The following EIF5 variants were observed in gnomAD, a reference collection of about 807,000 sequenced individuals.
The protein encoded by EIF5 is eukaryotic translation initiation factor 5.
Under a neutral mutation model 48.3 loss-of-function variants are expected in EIF5, and 10 were observed. That is an observed-to-expected ratio of 0.21 (90% confidence interval 0.13 to 0.35). EIF5 has a LOEUF of 0.35. EIF5 is among the 10% of genes least tolerant of loss of function. The probability of loss-of-function intolerance (pLI) is 1.00; values close to 1 mark genes in which losing one functional copy is unlikely to be tolerated. For missense variants in EIF5, 397 were observed against 533.2 expected (o/e 0.74, Z 2.51); for synonymous variants, 237 against 173.1 (o/e 1.37, Z -2.90).
Position 103,341,021 on chromosome 14 carries a change from A to G in EIF5, c.1265A>G (p.Lys422Arg). The part of the protein sequence containing the change: ...PKVETVKSDN[K>R]DDDIDIDAI ...GTTGAGACTGTAAAGTCAGACAACAAGGATGACGACATCGATATTGATGCC... is the reference window on the plus strand; with the variant it reads ...GTTGAGACTGTAAAGTCAGACAACAGGGATGACGACATCGATATTGATGCC... The change falls in exon 12 of 12, where the codon AAG becomes AGG. Residue 422 changes from lysine (K) to arginine (R), a missense_variant. Transcript: ENST00000216554. 2 of 1,614,178 alleles carry G rather than the reference A, an allele frequency of 1.2e-6. No individual in the cohort carries two copies.
rs758766577 is a variant in EIF5 at position 103,336,092 on chromosome 14, A to G, written c.129A>G (p.Ala43=). The part of the protein sequence containing the change: ...KTVIVNMVDV[A]KALNRPPTYP... ...TTATAGTCAACATGGTTGACGTTGC[A>G]AAGGCGCTTAATCGGCCTCCAACGT... The change falls in exon 4 of 12, where the codon GCA becomes GCG. Residue 43 remains alanine, a synonymous_variant. Coordinates refer to ENST00000216554, the MANE Select transcript of EIF5 (RefSeq NM_001969.5). The G allele has an allele frequency of 6.2e-6, 10 of 1,614,224 alleles. No homozygotes were observed. In the Admixed American group the frequency reaches 1.7e-4, roughly 27 times the overall value.
rs1459362305 is a variant in EIF5, at chr14:103,344,726, T to A, written c.*3674T>A. Reference sequence around the variant, plus strand: ...AACTAAAAAATAAAAATCAAGTCTTTAGGAGAGTAGAAAACACAATTAACT... The same window carrying A: ...AACTAAAAAATAAAAATCAAGTCTTAAGGAGAGTAGAAAACACAATTAACT... On this transcript the variant is annotated 3_prime_UTR_variant, in exon 12 of 12. Transcript: ENST00000216554. 1.3e-5 allele frequency: 2 copies of A among 152,054 alleles called. No homozygotes were observed. Among genetic ancestry groups the A allele is most frequent in the Middle Eastern group, 3.2e-3 (1 of 316 alleles). 9.4% of individuals were successfully genotyped at this position (152,054 alleles called of 1,614,324 possible). A position where few individuals can be genotyped will look rare whatever the true frequency, so the allele number is the denominator to read the frequency against.
chr14:103,339,372 TTG>T, intron 9 of EIF5, 39 bp downstream of exon 9: 15 of 1,562,124 alleles, frequency 9.6e-6, no homozygotes, highest in South Asian at 2.4e-5. Context: ...GAGATTACAG[TTG>T]TGTGGCTTTC....
rs1294234421 is a variant in EIF5 at position 103,339,738 on chromosome 14, A to G, written c.1006A>G (p.Ile336Val). ...TCAGCTTATCTCCAAGATTCCACAT[A>G]TCTTGAAGGAGATGTACGATGCAGA... is the stretch of plus-strand genomic sequence containing the variant. The part of the protein sequence containing the change: ...QAQLISKIPH[I>V]LKEMYDADLL... Residue 336 changes from isoleucine to valine, a missense_variant, in exon 10 of 12, where the codon ATC (isoleucine) becomes GTC (valine). By Grantham distance (29) the Ile-to-Val change is conservative. Transcript: ENST00000216554. 6.8e-6 allele frequency: 11 copies of G among 1,614,094 alleles called. No homozygotes were observed. The highest frequency in any genetic ancestry group is 9.3e-6 in the Non-Finnish European group (11 of 1,180,042).
At position 103,335,692 on chromosome 14, in the gene EIF5, T is replaced by G. The variant is rs994579402; in HGVS notation, c.-169T>G. Reference sequence around the variant, plus strand: ...CATTGGTACCTGTATTGGGGAAACATAGCATACAAGCAAGAAGCTTACAGC... The same window carrying G: ...CATTGGTACCTGTATTGGGGAAACAGAGCATACAAGCAAGAAGCTTACAGC... On this transcript the variant is annotated 5_prime_UTR_variant, in exon 3 of 12. Transcript: ENST00000216554. 6.2e-6 allele frequency: 4 copies of G among 643,622 alleles called. No homozygotes were observed. The Admixed American group carries it at 1.1e-4, about 18-fold the overall frequency. The allele number at this position is 643,622 out of a possible 1,614,324, so 39.9% of individuals were successfully genotyped here.
In EIF5 at chr14:103,339,711, G is replaced by C; in HGVS notation, c.979G>C (p.Ala327Pro). 6.2e-7 allele frequency: 1 copy of C among 1,614,204 alleles called. No individual in the cohort carries two copies. Among genetic ancestry groups the C allele is most frequent in the Non-Finnish European group, 8.5e-7 (1 of 1,180,036 alleles). Residue 327 changes from alanine (A) to proline (P), a missense_variant, in exon 10 of 12, where the codon GCT (alanine) becomes CCT (proline). Around this residue, in one of 4 missense-constraint regions of EIF5, gnomAD observed 160 missense variants for 184.8 expected, o/e 0.87. Transcript: ENST00000216554. ...GLECVVAMHQAQLISKIPHIL... is the reference protein window; with the variant it reads ...GLECVVAMHQPQLISKIPHIL... Reference sequence around the variant, plus strand: ...GGAGTGTGTGGTAGCAATGCATCAAGCTCAGCTTATCTCCAAGATTCCACA... The same window carrying C: ...GGAGTGTGTGGTAGCAATGCATCAACCTCAGCTTATCTCCAAGATTCCACA...
rs1487883433 is a variant in EIF5 at position 103,334,455 on chromosome 14, T to G, written c.-351T>G. On this transcript the variant is annotated 5_prime_UTR_variant, in exon 2 of 12. Coordinates refer to ENST00000216554, the MANE Select transcript of EIF5 (RefSeq NM_001969.5). ...CGCTGGGACAGCCCCTCCCCGCTGC[T>G]CGGCGGCGGCACCTGGCCCGGCCGC... 6.6e-6 allele frequency: 1 copy of G among 152,452 alleles called. No individual in the cohort carries two copies. Among genetic ancestry groups the G allele is most frequent in the Admixed American group, 6.6e-5 (1 of 15,264 alleles). The allele number at this position is 152,452 out of a possible 1,614,324, so 9.4% of individuals were successfully genotyped here.
chr14:103,343,153 AAAT>A lies in EIF5; in HGVS notation c.*2105_*2107del, dbSNP rs1169457955. On this transcript the variant is annotated 3_prime_UTR_variant, in exon 12 of 12. Coordinates refer to ENST00000216554, the MANE Select transcript of EIF5 (RefSeq NM_001969.5). ...TTTAAACAGCTAAGTTACTTGATTA[AAAT>A]AATGATAAAATTGTATTTTGTCTTT... is the stretch of plus-strand genomic sequence containing the variant. 6.6e-6 allele frequency: 1 copy of A among 152,574 alleles called. No homozygotes were observed. Among genetic ancestry groups the A allele is most frequent in the Non-Finnish European group, 1.5e-5 (1 of 67,980 alleles). 9.5% of individuals were successfully genotyped at this position (152,574 alleles called of 1,614,324 possible). A position where few individuals can be genotyped will look rare whatever the true frequency, so the allele number is the denominator to read the frequency against.
At position 103,340,425 on chromosome 14, in the gene EIF5, A is replaced by G; in HGVS notation, c.1072-2A>G. On this transcript the variant is annotated splice_acceptor_variant, in intron 10 of 11. Coordinates refer to ENST00000216554, the MANE Select transcript of EIF5 (RefSeq NM_001969.5). LOFTEE classifies it high-confidence loss of function. The stretch of plus-strand genomic sequence containing the variant: ...TAAGAGACTTGTACTCACATTTTTT[A>G]GGCCTCTAAGAAATATGTCTCCAAA... 2 of 1,597,908 alleles carry G rather than the reference A, an allele frequency of 1.3e-6. No homozygotes were observed. The highest frequency in any genetic ancestry group is 1.1e-5 in the South Asian group (1 of 90,518).
chr14:103,342,035 A>G lies in EIF5; in HGVS notation c.*983A>G, dbSNP rs1468961277. 3.3e-5 allele frequency: 5 copies of G among 152,580 alleles called. No homozygotes were observed. Among genetic ancestry groups the G allele is most frequent in the Admixed American group, 6.5e-5 (1 of 15,270 alleles). The allele number at this position is 152,580 out of a possible 1,614,324, so 9.5% of individuals were successfully genotyped here. A position where few individuals can be genotyped will look rare whatever the true frequency, so the allele number is the denominator to read the frequency against. ...TTTCCCCTCTTGCAGTTTGTTCTGT[A>G]ATGCCTTTTACATTTGGACACATAG... is the stretch of plus-strand genomic sequence containing the variant. On this transcript the variant is annotated 3_prime_UTR_variant, in exon 12 of 12. Coordinates refer to ENST00000216554, the MANE Select transcript of EIF5 (RefSeq NM_001969.5).
chr14:103,338,566 A>G (rs920913913), intron 7 of EIF5, 94 bp downstream of exon 7: 3 of 1,499,844 alleles, frequency 2.0e-6, no homozygotes, highest in African/African-American at 2.8e-5. Context: ...ACTAGCCTTC[A>G]GTGTGTAATA....
At position 103,344,132 on chromosome 14, in the gene EIF5, C is replaced by T. The variant is rs1462068791; in HGVS notation, c.*3080C>T. Reference sequence around the variant, plus strand: ...CAGATCTTGATTCATAGTGACATTCCATAAGTGGGGTGACAGCAAATGACT... The same window carrying T: ...CAGATCTTGATTCATAGTGACATTCTATAAGTGGGGTGACAGCAAATGACT... On this transcript the variant is annotated 3_prime_UTR_variant, in exon 12 of 12. Coordinates refer to ENST00000216554, the MANE Select transcript of EIF5 (RefSeq NM_001969.5). The T allele has an allele frequency of 6.6e-6, 1 of 152,338 alleles. No individual in the cohort carries two copies. The highest frequency in any genetic ancestry group is 2.4e-5 in the African/African-American group (1 of 41,558). 9.4% of individuals were successfully genotyped at this position (152,338 alleles called of 1,614,324 possible).
chr14:103,339,514 T>G (rs2089328125), intron 9 of EIF5, 125 bp from the exon 10 acceptor site: 1 of 1,457,616 alleles, frequency 6.9e-7, no homozygotes, highest in Non-Finnish European at 9.4e-7. Flanking sequence ...GGGATGTTTA[T>G]GCATTGACCT....
rs147746481 is a variant in EIF5 at position 103,340,174 on chromosome 14, T to G, written c.1072-253T>G. Reference sequence around the variant, plus strand: ...CCGTTCACAAGTATTGAGACGGCTTTGAGATGAAGAAAAAATGTCTTAATA... The same window carrying G: ...CCGTTCACAAGTATTGAGACGGCTTGGAGATGAAGAAAAAATGTCTTAATA... On this transcript the variant is annotated intron_variant, in intron 10 of 11. Transcript: ENST00000216554. Among the ~76,000 whole-genome samples the G allele has an allele frequency of 3.1e-4, 47 of 152,254 alleles. No individual in the cohort carries two copies. In the East Asian group the frequency reaches 8.9e-3, roughly 29 times the overall value.
intron 4 of EIF5, chr14:103,336,427 A>C: frequency 1.8e-6 from 1 of 552,848 alleles, no homozygotes; most frequent in African/African-American, 1.9e-5. Flanking sequence ...CTACTAATAC[A>C]AAAATTAGCC....
At chr14:103,340,097 TCC>T (rs2089335683) in intron 10 of EIF5, among the ~76,000 whole-genome samples, 1 of 152,194 alleles carries the variant, frequency 6.6e-6, no homozygotes, top group Non-Finnish European at 1.5e-5. Flanking sequence ...CCTCAGGTGA[TCC>T]ACTGGCCTCC....
intron 11 of EIF5, 108 bp downstream of exon 11, chr14:103,340,669 T>C: frequency 6.9e-7 from 1 of 1,443,324 alleles, no homozygotes; most frequent in Non-Finnish European, 9.3e-7. Flanking sequence ...AATTTCAGGT[T>C]TAGAATTTAA....
At position 103,342,524 on chromosome 14, in the gene EIF5, C is replaced by T. The variant is rs1417655313; in HGVS notation, c.*1472C>T. ...TGGAGCAGTGGCTTATACCATTCAC[C>T]TCTGTTTTTTTGTGATTATTTCACA... is the stretch of plus-strand genomic sequence containing the variant. On this transcript the variant is annotated 3_prime_UTR_variant, in exon 12 of 12. Coordinates refer to ENST00000216554, the MANE Select transcript of EIF5 (RefSeq NM_001969.5). The T allele has an allele frequency of 6.6e-6, 1 of 152,158 alleles. No individual in the cohort carries two copies. The highest frequency in any genetic ancestry group is 6.5e-5 in the Admixed American group (1 of 15,274). 9.4% of individuals were successfully genotyped at this position (152,158 alleles called of 1,614,324 possible). A position where few individuals can be genotyped will look rare whatever the true frequency, so the allele number is the denominator to read the frequency against.
rs957080210 is a variant in EIF5 at position 103,344,768 on chromosome 14, T to C, written c.*3716T>C. The C allele has an allele frequency of 6.6e-6, 1 of 152,192 alleles. No individual in the cohort carries two copies. Among genetic ancestry groups the C allele is most frequent in the Non-Finnish European group, 1.5e-5 (1 of 68,024 alleles). The allele number at this position is 152,192 out of a possible 1,614,324, so 9.4% of individuals were successfully genotyped here. ...CAATTAACTAAAAAGCAGGGACATC[T>C]GAAAGAGACGTATTAAGTTAACATT... On this transcript the variant is annotated 3_prime_UTR_variant, in exon 12 of 12. Coordinates refer to ENST00000216554, the MANE Select transcript of EIF5 (RefSeq NM_001969.5).
Sources: allele counts gnomAD v4.1 joint callset (sites outside exome capture counted in the v4.1 genomes callset), GRCh38; gene constraint gnomAD v4.1.1; regional missense constraint gnomAD v4.1.1; transcripts MANE v1.5; gene names NCBI Gene and HGNC (gene_info 2026-07-23, HGNC 2026-07-21).